The following RNGTT variants were observed in gnomAD, a reference collection of about 807,000 sequenced individuals.
RNGTT encodes RNA guanylyltransferase and 5'-phosphatase, also known as mRNA-capping enzyme.
In RNGTT, 33 loss-of-function variants were observed where a neutral mutation model predicts 79.3. That is an observed-to-expected ratio of 0.42 (90% confidence interval 0.32 to 0.56). The LOEUF is 0.56. RNGTT is among the 20% of genes least tolerant of loss of function. RNGTT has a pLI of 0.17. For synonymous variants in RNGTT, 222 were observed against 235.9 expected, an observed-to-expected ratio of 0.94 and a Z score of 0.54; for missense variants, 497 against 739.1, an observed-to-expected ratio of 0.67 and a Z score of 3.80.
chr6:88,941,139 CAT>C lies in RNGTT; in HGVS notation c.104_105del (p.Tyr35Ter), dbSNP rs1274949708. 1 of 1,613,226 alleles carries C rather than the reference CAT, an allele frequency of 6.2e-7. No individual in the cohort carries two copies. Among genetic ancestry groups the C allele is most frequent in the Non-Finnish European group, 8.5e-7 (1 of 1,179,408 alleles). ...LPLKTMLGPR[Y>X]DSQVAEENRF... ...CGATTTTCTTCAGCAACTTGACTAT[CAT>C]ATCTTGGTCCTAACATTGTCTTCAG... On this transcript the variant is annotated frameshift_variant, in exon 2 of 16. Transcript: ENST00000369485. LOFTEE classifies it high-confidence loss of function.
At chr6:88,633,676 T>C (rs1382857753) in intron 14 of RNGTT, among the ~76,000 whole-genome samples, 2 of 152,156 alleles carry the variant, frequency 1.3e-5, no homozygotes, top group African/African-American at 4.8e-5. Flanking sequence ...ATTCTGCATA[T>C]ATATATTAAT....
At chr6:88,859,041 G>C (rs1369811706) in intron 8 of RNGTT, among the ~76,000 whole-genome samples, 2 of 151,600 alleles carry the variant, frequency 1.3e-5, no homozygotes, top group Non-Finnish European at 2.9e-5. Context: ...ACCCAGGCTG[G>C]AGTGCAGTGG....
chr6:88,877,885 T>A (rs1782566802), intron 8 of RNGTT, among the ~76,000 whole-genome samples: 1 of 152,134 alleles, frequency 6.6e-6, no homozygotes, highest in Non-Finnish European at 1.5e-5. Context: ...TCCCTAACTA[T>A]AGTTCTGATG....
chr6:88,649,932 C>T (rs756225674), intron 14 of RNGTT, among the ~76,000 whole-genome samples: 4 of 152,110 alleles, frequency 2.6e-5, no homozygotes, highest in Non-Finnish European at 4.4e-5. Context: ...TACTCTAACA[C>T]GAATGAATAG....
chr6:88,930,044 ATATACATATACATGTATATGCATATG>A (rs1554165170), intron 2 of RNGTT, among the ~76,000 whole-genome samples: 2 of 143,652 alleles, frequency 1.4e-5, no homozygotes, highest in Non-Finnish European at 3.0e-5. Flanking sequence ...ATATATGCAT[ATATACATATACATGTATATGCATATG>A]TATACATATA....
intron 14 of RNGTT, among the ~76,000 whole-genome samples, chr6:88,641,547 A>T (rs1354095215): frequency 6.6e-6 from 1 of 152,166 alleles, no homozygotes; most frequent in Non-Finnish European, 1.5e-5. Flanking sequence ...AATTCCAGTA[A>T]AGCACTGACA....
At chr6:88,886,072 G>A (rs756903336) in intron 8 of RNGTT, among the ~76,000 whole-genome samples, 17 of 152,322 alleles carry the variant, frequency 1.1e-4, no homozygotes, top group Non-Finnish European at 1.2e-4. Context: ...TTGGGAGGCC[G>A]AGGCAGGCGG....
intron 13 of RNGTT, among the ~76,000 whole-genome samples, chr6:88,739,728 TA>T (rs1777409032): frequency 0.027 from 226 of 8,228 alleles, 4 homozygotes; most frequent in African/African-American, 0.095. Context: ...AAAAAAATTA[TA>T]TATATATATA....
At chr6:88,757,835 A>G (rs1001512400) in intron 13 of RNGTT, among the ~76,000 whole-genome samples, 7 of 152,178 alleles carry the variant, frequency 4.6e-5, no homozygotes, top group Non-Finnish European at 1.0e-4. Context: ...CCATGTAGCT[A>G]AATTTTTTGA....
intron 13 of RNGTT, chr6:88,714,210 T>A (rs1166660434): frequency 6.6e-6 from 1 of 152,234 alleles, no homozygotes; most frequent in East Asian, 1.9e-4. Context: ...TAACTTAAAA[T>A]TAAGTCATTA....
chr6:88,928,916 C>T, intron 4 of RNGTT, 69 bp downstream of exon 4: 3 of 1,196,620 alleles, frequency 2.5e-6, no homozygotes, highest in Admixed American at 4.6e-5. Context: ...AACTTATTTG[C>T]AAACAAGAAA....
At chr6:88,682,804 C>T (rs1349574025) in intron 13 of RNGTT, among the ~76,000 whole-genome samples, 1 of 152,088 alleles carries the variant, frequency 6.6e-6, no homozygotes, top group Non-Finnish European at 1.5e-5. Context: ...AGCCTCAGAA[C>T]ATAACTCAGC....
At chr6:88,644,803 C>G (rs1056927397) in intron 14 of RNGTT, among the ~76,000 whole-genome samples, 2 of 152,212 alleles carry the variant, frequency 1.3e-5, no homozygotes, top group African/African-American at 4.8e-5. Context: ...AATTCAACAG[C>G]GCTTCATGCT....
intron 11 of RNGTT, among the ~76,000 whole-genome samples, chr6:88,817,635 C>A (rs1299811673): frequency 6.6e-6 from 1 of 151,610 alleles, no homozygotes; most frequent in Non-Finnish European, 1.5e-5. Flanking sequence ...TATATCATGT[C>A]TCCTCAAACT....
chr6:88,904,003 TG>T (rs1783560669), intron 6 of RNGTT, among the ~76,000 whole-genome samples: 1 of 152,170 alleles, frequency 6.6e-6, no homozygotes, highest in Admixed American at 6.5e-5. Context: ...TTTAATTTTA[TG>T]GAAACCATGA....
At chr6:88,842,084 T>G (rs1040099267) in intron 11 of RNGTT, among the ~76,000 whole-genome samples, 6 of 152,098 alleles carry the variant, frequency 3.9e-5, no homozygotes, top group Non-Finnish European at 8.8e-5. Flanking sequence ...CAAGAATGTC[T>G]TACGAATATT....
At chr6:88,935,040 A>G (rs1784623703) in intron 2 of RNGTT, among the ~76,000 whole-genome samples, 1 of 152,120 alleles carries the variant, frequency 6.6e-6, no homozygotes, top group Admixed American at 6.6e-5. Context: ...TTTCATCTCA[A>G]AACTACTGTT....
intron 13 of RNGTT, among the ~76,000 whole-genome samples, chr6:88,723,220 T>A (rs1776765012): frequency 6.6e-6 from 1 of 152,212 alleles, no homozygotes; most frequent in Admixed American, 6.5e-5. Flanking sequence ...AAACTGATTA[T>A]CCTGACCCTA....
At position 88,632,115 on chromosome 6, in the gene RNGTT, C is replaced by A. The variant is rs76425220; in HGVS notation, c.1507-17720G>T. Among the ~76,000 whole-genome samples the A allele has an allele frequency of 2.7e-3, 414 of 152,226 alleles. 3 individuals are homozygous for A. Among genetic ancestry groups the A allele is most frequent in the African/African-American group, 9.7e-3 (402 of 41,546 alleles). ...AGCTGGAACTACAGGCGTGTGCCAC[C>A]ACACTTGGCTAATTTTTGTATTTTT... On this transcript the variant is annotated intron_variant, in intron 14 of 15. Coordinates refer to ENST00000369485, the MANE Select transcript of RNGTT (RefSeq NM_003800.5).
Sources: gnomAD v4.1 joint callset for allele counts (sites outside exome capture counted in the v4.1 genomes callset) on GRCh38, gnomAD v4.1.1 for gene constraint, MANE v1.5 for transcripts, NCBI Gene and HGNC (gene_info 2026-07-23, HGNC 2026-07-21) for gene names.